Variants in SGIP1 observed in about 807,000 individuals in gnomAD.
SGIP1 encodes the protein SH3GL interacting endocytic adaptor 1, also known as SH3-containing GRB2-like protein 3-interacting protein 1.
SGIP1 carries 38 observed loss-of-function variants against 107.5 expected under a neutral mutation model. The ratio of observed to expected loss-of-function variants is 0.35; its 90% CI spans 0.27 to 0.46. The LOEUF (loss-of-function observed/expected upper bound fraction) is 0.46. SGIP1 is among the 20% of genes least tolerant of loss of function. The pLI, the probability that SGIP1 is intolerant of heterozygous loss-of-function variation, is 1.00. For synonymous variants in SGIP1, 365 were observed against 366.1 expected, an observed-to-expected ratio of 1.00 and a Z score of 0.03; for missense variants, 929 against 1,019.5, an observed-to-expected ratio of 0.91 and a Z score of 1.21.
intron 1 of SGIP1, among the ~76,000 whole-genome samples, chr1:66,551,076 G>T (rs1338013560): frequency 2.0e-5 from 3 of 152,096 alleles, no homozygotes; most frequent in African/African-American, 7.2e-5. Context: ...AGAAAACTGA[G>T]GCTCAGAGAG....
At chr1:66,670,703 G>C (rs183083305) in intron 9 of SGIP1, among the ~76,000 whole-genome samples, 1 of 152,080 alleles carries the variant, frequency 6.6e-6, no homozygotes, top group East Asian at 1.9e-4. Flanking sequence ...TTTTTTTAAT[G>C]GACTAATCAA....
intron 1 of SGIP1, among the ~76,000 whole-genome samples, chr1:66,585,561 C>T (rs1284870457): frequency 1.7e-5 from 2 of 118,902 alleles, no homozygotes; most frequent in East Asian, 2.7e-4. Flanking sequence ...TTAAAAAGAG[C>T]TTTGGAGTTT....
Position 66,747,458 on chromosome 1 carries a change from C to G in SGIP1, c.*4363C>G, listed in dbSNP as rs923607224. ...TTATACTATCTCAGTCTCAAAGTAGCCTGAAATGCATTTTCTCATTTTCAT... is the reference window on the plus strand; with the variant it reads ...TTATACTATCTCAGTCTCAAAGTAGGCTGAAATGCATTTTCTCATTTTCAT... On this transcript the variant is annotated 3_prime_UTR_variant, in exon 25 of 25. Coordinates refer to ENST00000371037, the MANE Select transcript of SGIP1 (RefSeq NM_032291.4). The G allele has an allele frequency of 2.6e-5, 4 of 151,908 alleles. No individual in the cohort carries two copies. Among genetic ancestry groups the G allele is most frequent in the Non-Finnish European group, 5.9e-5 (4 of 67,848 alleles). 9.4% of individuals were successfully genotyped at this position (151,908 alleles called of 1,614,324 possible). A position where few individuals can be genotyped will look rare whatever the true frequency, so the allele number is the denominator to read the frequency against.
At chr1:66,631,110 AGACT>A (rs1239037592) in intron 2 of SGIP1, among the ~76,000 whole-genome samples, 3 of 151,728 alleles carry the variant, frequency 2.0e-5, no homozygotes, top group African/African-American at 7.3e-5. Flanking sequence ...AAAAAAAGAA[AGACT>A]GACTCAGTAT....
intron 1 of SGIP1, among the ~76,000 whole-genome samples, chr1:66,604,154 T>C (rs2066377411): frequency 2.0e-5 from 3 of 152,270 alleles, no homozygotes; most frequent in South Asian, 4.2e-4. Context: ...ATGCTAAATA[T>C]GATGAGATGT....
intron 12 of SGIP1, among the ~76,000 whole-genome samples, chr1:66,674,634 G>T (rs1305026859): frequency 6.6e-6 from 1 of 152,202 alleles, no homozygotes; most frequent in Non-Finnish European, 1.5e-5. Flanking sequence ...CTGTCTGGAA[G>T]TAAACAATAT....
rs1266028452 is a variant in SGIP1, at chr1:66,744,493, A to G, written c.*1398A>G. On this transcript the variant is annotated 3_prime_UTR_variant, in exon 25 of 25. Coordinates refer to ENST00000371037, the MANE Select transcript of SGIP1 (RefSeq NM_032291.4). ...CCTTTAAGTCATAGAACTTATTTAA[A>G]CATAAACCAATTTCTATTACAGGTT... is the stretch of plus-strand genomic sequence containing the variant. 1 of 152,090 alleles carries G rather than the reference A, an allele frequency of 6.6e-6. No homozygotes were observed. The highest frequency in any genetic ancestry group is 1.5e-5 in the Non-Finnish European group (1 of 67,944). The allele number at this position is 152,090 out of a possible 1,614,324, so 9.4% of individuals were successfully genotyped here.
At chr1:66,579,976 T>G (rs781759773) in intron 1 of SGIP1, among the ~76,000 whole-genome samples, 1 of 152,178 alleles carries the variant, frequency 6.6e-6, no homozygotes, top group African/African-American at 2.4e-5. Context: ...GTCTCAGATA[T>G]AATCACTCCT....
intron 1 of SGIP1, among the ~76,000 whole-genome samples, chr1:66,577,756 C>CTGTG (rs6143251): frequency 0.015 from 2,104 of 145,014 alleles, 25 homozygotes; most frequent in East Asian, 0.036. Flanking sequence ...TAATGCAGTC[C>CTGTG]TGTGTGTGTG....
intron 1 of SGIP1, among the ~76,000 whole-genome samples, chr1:66,602,123 C>CA (rs1324845784): frequency 6.6e-6 from 1 of 152,212 alleles, no homozygotes; most frequent in East Asian, 1.9e-4. Context: ...ATTGGCCTCT[C>CA]AGACCCCTGG....
At chr1:66,627,769 T>G (rs2073224500) in intron 2 of SGIP1, among the ~76,000 whole-genome samples, 1 of 152,150 alleles carries the variant, frequency 6.6e-6, no homozygotes, top group Non-Finnish European at 1.5e-5. Flanking sequence ...TTCTTATACT[T>G]TAAGTTCTAG....
intron 1 of SGIP1, among the ~76,000 whole-genome samples, chr1:66,599,024 C>G (rs745627161): frequency 6.6e-6 from 1 of 152,038 alleles, no homozygotes; most frequent in African/African-American, 2.4e-5. Context: ...GTGTTCTACC[C>G]AGGGCTCAGC....
At chr1:66,588,139 C>T (rs993594871) in intron 1 of SGIP1, among the ~76,000 whole-genome samples, 1 of 152,124 alleles carries the variant, frequency 6.6e-6, no homozygotes, top group African/African-American at 2.4e-5. Context: ...GTAATAATTT[C>T]ACTTATTAAA....
intron 1 of SGIP1, among the ~76,000 whole-genome samples, chr1:66,606,157 G>A (rs768328257): frequency 9.2e-5 from 14 of 152,226 alleles, no homozygotes; most frequent in Middle Eastern, 3.4e-3. Flanking sequence ...TTAAATCTTA[G>A]TGCCATTTAT....
intron 18 of SGIP1, among the ~76,000 whole-genome samples, chr1:66,696,277 A>C (rs148605017): frequency 6.3e-4 from 96 of 152,302 alleles, no homozygotes; most frequent in African/African-American, 2.2e-3. Context: ...ATGATGGGGG[A>C]AGAAGTTAAG....
At chr1:66,617,081 G>A (rs768582150) in intron 1 of SGIP1, among the ~76,000 whole-genome samples, 1 of 152,190 alleles carries the variant, frequency 6.6e-6, no homozygotes, top group Non-Finnish European at 1.5e-5. Flanking sequence ...TTTAAGTCAA[G>A]TAGAAATGTA....
chr1:66,658,326 A>C (rs764663405), intron 7 of SGIP1, among the ~76,000 whole-genome samples: 1 of 152,210 alleles, frequency 6.6e-6, no homozygotes, highest in Non-Finnish European at 1.5e-5. Context: ...AATCTACACT[A>C]ATGTTGTACA....
At chr1:66,699,720 T>C (rs1384874073) in intron 18 of SGIP1, among the ~76,000 whole-genome samples, 1 of 152,186 alleles carries the variant, frequency 6.6e-6, no homozygotes, top group African/African-American at 2.4e-5. Context: ...CACTCCTTAC[T>C]AGTGAACAAA....
At chr1:66,669,347 G>A (rs905106180) in intron 9 of SGIP1, among the ~76,000 whole-genome samples, 2 of 152,170 alleles carry the variant, frequency 1.3e-5, no homozygotes, top group Non-Finnish European at 2.9e-5. Flanking sequence ...TGAAGGAGTA[G>A]GACAGAGGGA....
Sources: gnomAD v4.1 joint callset for allele counts (sites outside exome capture counted in the v4.1 genomes callset) on GRCh38, gnomAD v4.1.1 for gene constraint, MANE v1.5 for transcripts, NCBI Gene and HGNC (gene_info 2026-07-23, HGNC 2026-07-21) for gene names.